The following AMOTL1 variants were observed in gnomAD, a reference collection of about 807,000 sequenced individuals.
AMOTL1 encodes the protein angiomotin-like protein 1.
A neutral mutation model predicts 102.9 loss-of-function variants in AMOTL1; 45 were observed. That is an observed-to-expected ratio of 0.44 (90% confidence interval 0.34 to 0.56). The LOEUF (loss-of-function observed/expected upper bound fraction) is 0.56. Ranked by LOEUF, AMOTL1 falls within the 20% of genes least tolerant of loss-of-function variation. The pLI, the probability that AMOTL1 is intolerant of heterozygous loss-of-function variation, is 0.01. For synonymous variants in AMOTL1, 481 were observed against 484.7 expected (o/e 0.99, Z 0.10); for missense variants, 1,114 against 1,225.6 (o/e 0.91, Z 1.36).
chr11:94,729,054 G>A (rs758657341), exon 2 of AMOTL1: 39 of 1,288,944 alleles, frequency 3.0e-5, no homozygotes, highest in African/African-American at 2.4e-4. Flanking sequence ...GCACCAGAGC[G>A]GGTAAGGCCG....
At chr11:94,768,998 C>T (rs1565344878) in intron 1 of AMOTL1, among the ~76,000 whole-genome samples, 1 of 152,236 alleles carries the variant, frequency 6.6e-6, no homozygotes, top group East Asian at 2.0e-4. Flanking sequence ...CCGGCCCGCC[C>T]GACGGGCTCT....
chr11:94,783,525 C>T (rs1456281341), intron 1 of AMOTL1, among the ~76,000 whole-genome samples: 1 of 152,100 alleles, frequency 6.6e-6, no homozygotes, highest in African/African-American at 2.4e-5. Flanking sequence ...GGGAGAAGTT[C>T]TGTTGCTTTA....
At chr11:94,785,988 C>T (rs1951181629) in intron 1 of AMOTL1, among the ~76,000 whole-genome samples, 1 of 152,156 alleles carries the variant, frequency 6.6e-6, no homozygotes, top group Non-Finnish European at 1.5e-5. Flanking sequence ...CAAAAGAATA[C>T]TACTGTGGTC....
chr11:94,860,421 A>T (rs914536983), intron 9 of AMOTL1, among the ~76,000 whole-genome samples: 1 of 152,176 alleles, frequency 6.6e-6, no homozygotes, highest in Non-Finnish European at 1.5e-5. Flanking sequence ...TTGTAGGTGT[A>T]TGGCTTATTC....
chr11:94,785,422 G>C (rs1951170715), intron 1 of AMOTL1, among the ~76,000 whole-genome samples: 1 of 151,954 alleles, frequency 6.6e-6, no homozygotes, highest in Non-Finnish European at 1.5e-5. Flanking sequence ...GGGAGTGAGT[G>C]GTGATAAATA....
At chr11:94,811,965 A>G (rs528667202) in intron 3 of AMOTL1, among the ~76,000 whole-genome samples, 1 of 152,218 alleles carries the variant, frequency 6.6e-6, no homozygotes, top group Non-Finnish European at 1.5e-5. Context: ...TCCATCATGC[A>G]GAAAAACTTG....
At position 94,810,831 on chromosome 11, in the gene AMOTL1, G is replaced by GACAC. The variant is rs3995610; in HGVS notation, c.1121+10555_1121+10558dup. Among the ~76,000 whole-genome samples, 408 of 143,754 alleles carry GACAC rather than the reference G, an allele frequency of 2.8e-3. 1 individual carries two copies. The highest frequency in any genetic ancestry group is 7.2e-3 in the African/African-American group (278 of 38,764). The allele number at this position is 143,754 out of a possible 152,430, so 94.3% of individuals were successfully genotyped here. On this transcript the variant is annotated intron_variant, in intron 3 of 12. Coordinates refer to ENST00000433060, the MANE Select transcript of AMOTL1 (RefSeq NM_130847.3). ...AAGATCCTAGGAGAGAAAAATAAAAGACACACACACACACACACACACACA... is the reference window on the plus strand; with the variant it reads ...AAGATCCTAGGAGAGAAAAATAAAAGACACACACACACACACACACACACACACA...
intron 1 of AMOTL1, among the ~76,000 whole-genome samples, chr11:94,784,589 T>TAGTTCTAGAAAG (rs1427017432): frequency 7.2e-5 from 11 of 152,226 alleles, no homozygotes; most frequent in Non-Finnish European, 5.9e-5. Context: ...GTTGGTTGGT[T>TAGTTCTAGAAAG]AGTTCTAGAA....
At position 94,762,520 on chromosome 11, in the gene AMOTL1, G is replaced by C. The variant is rs142981238; in HGVS notation, c.136+21532G>C. On this transcript the variant is annotated intron_variant, in intron 3 of 4. Coordinates refer to the AMOTL1 transcript ENST00000299004. ...CCCCAAATGTCAGAGGGCCAGGGTT[G>C]AGAAACCCTGCAATAACATCAGCCA... is the stretch of plus-strand genomic sequence containing the variant. 3.3e-5 allele frequency among the ~76,000 whole-genome samples: 5 copies of C among 152,336 alleles called. No homozygotes were observed. The East Asian group carries it at 9.6e-4, about 29-fold the overall frequency.
chr11:94,750,730 G>C (rs1174598099), intron 3 of AMOTL1, among the ~76,000 whole-genome samples: 1 of 152,172 alleles, frequency 6.6e-6, no homozygotes, highest in African/African-American at 2.4e-5. Flanking sequence ...ATGATTGACA[G>C]TGGAAAATTC....
intron 1 of AMOTL1, among the ~76,000 whole-genome samples, chr11:94,777,201 T>C (rs1023620406): frequency 2.6e-5 from 4 of 152,312 alleles, no homozygotes; most frequent in African/African-American, 9.6e-5. Flanking sequence ...ACATTGAAGA[T>C]AATGGCGGTG....
intron 8 of AMOTL1, among the ~76,000 whole-genome samples, chr11:94,856,869 C>G (rs190666990): frequency 6.6e-6 from 1 of 152,346 alleles, no homozygotes; most frequent in African/African-American, 2.4e-5. Flanking sequence ...ACAGCCCAGA[C>G]AAGGGCTCTG....
chr11:94,779,596 AT>A (rs886189517), intron 1 of AMOTL1, among the ~76,000 whole-genome samples: 91 of 151,634 alleles, frequency 6.0e-4, no homozygotes, highest in African/African-American at 2.0e-3. Flanking sequence ...TATTTTCGTA[AT>A]TTTTTTTTCC....
intron 7 of AMOTL1, among the ~76,000 whole-genome samples, chr11:94,851,071 T>A (rs1253703504): frequency 1.3e-5 from 2 of 152,228 alleles, no homozygotes; most frequent in Non-Finnish European, 2.9e-5. Context: ...TGGAAGCCTT[T>A]AAAACCCCAT....
At chr11:94,707,600 G>A (rs1421558549) in intron 1 of AMOTL1, among the ~76,000 whole-genome samples, 1 of 152,140 alleles carries the variant, frequency 6.6e-6, no homozygotes, top group African/African-American at 2.4e-5. Context: ...GATAAGAGAT[G>A]TTTGCTTTGT....
chr11:94,868,126 C>A (rs149363956), intron 11 of AMOTL1, among the ~76,000 whole-genome samples: 1 of 152,342 alleles, frequency 6.6e-6, no homozygotes, highest in Non-Finnish European at 1.5e-5. Flanking sequence ...ATCAGGTCTT[C>A]CTTTTAACGG....
chr11:94,835,159 C>G (rs1010877068), intron 6 of AMOTL1, among the ~76,000 whole-genome samples: 2 of 152,182 alleles, frequency 1.3e-5, no homozygotes, highest in African/African-American at 4.8e-5. Context: ...TGTGAATTCT[C>G]TGGTCTTGCT....
intron 6 of AMOTL1, among the ~76,000 whole-genome samples, chr11:94,848,096 T>C (rs1267966298): frequency 6.6e-6 from 1 of 152,154 alleles, no homozygotes; most frequent in East Asian, 1.9e-4. Context: ...CATTGAGATG[T>C]TGTCCAAACC....
intron 1 of AMOTL1, among the ~76,000 whole-genome samples, chr11:94,771,261 G>GA (rs1555067546): frequency 7.2e-5 from 10 of 138,962 alleles, no homozygotes; most frequent in African/African-American, 2.0e-4. Flanking sequence ...GGCGGGGTTG[G>GA]GGGGGGGGTG....
Sources: gnomAD v4.1 joint callset for allele counts (sites outside exome capture counted in the v4.1 genomes callset) on GRCh38, gnomAD v4.1.1 for gene constraint, MANE v1.5 for transcripts, NCBI Gene and HGNC (gene_info 2026-07-23, HGNC 2026-07-21) for gene names.